COL19A1: variants seen among roughly 807,000 people sequenced by gnomAD.
COL19A1 encodes collagen type XIX alpha 1 chain.
Under a neutral mutation model 190.2 loss-of-function variants are expected in COL19A1, and 159 were observed. The observed-to-expected ratio is 0.84, with a 90% CI of 0.73 to 0.95. The LOEUF (loss-of-function observed/expected upper bound fraction) is 0.95, where lower values mean the gene tolerates loss of function less well. Among genes scored for constraint, COL19A1 ranks in the 40% least tolerant of loss-of-function variants. The pLI is 0.00. For missense variants in COL19A1, 1,418 were observed against 1,431.9 expected (o/e 0.99, Z 0.16); for synonymous variants, 509 against 458.9 (o/e 1.11, Z -1.39).
At chr6:69,894,850 G>A (rs1561971349) in intron 2 of COL19A1, among the ~76,000 whole-genome samples, 8 of 152,236 alleles carry the variant, frequency 5.3e-5, no homozygotes. Context: ...CACAAATCCT[G>A]TTTCACAATT....
chr6:70,127,568 G>A (rs890433401), intron 17 of COL19A1, among the ~76,000 whole-genome samples: 3 of 152,138 alleles, frequency 2.0e-5, no homozygotes, highest in Admixed American at 6.5e-5. Context: ...TCATGCTGCT[G>A]ATAAAGACAT....
chr6:69,946,979 G>GC (rs911596115), intron 9 of COL19A1, among the ~76,000 whole-genome samples: 5 of 151,812 alleles, frequency 3.3e-5, no homozygotes, highest in African/African-American at 1.2e-4. Flanking sequence ...ACCTAAGGCT[G>GC]CCTTTGTGCT....
At chr6:69,951,769 A>G (rs1292907814) in intron 9 of COL19A1, among the ~76,000 whole-genome samples, 2 of 151,850 alleles carry the variant, frequency 1.3e-5, no homozygotes. Flanking sequence ...GGTAAGATTT[A>G]TTGTCACTAT....
chr6:69,967,821 G>T (rs998337220), intron 11 of COL19A1, among the ~76,000 whole-genome samples: 2 of 151,990 alleles, frequency 1.3e-5, no homozygotes, highest in South Asian at 4.1e-4. Context: ...CCACAGACCC[G>T]TATTCTTAGT....
intron 11 of COL19A1, among the ~76,000 whole-genome samples, chr6:69,988,871 C>T (rs1202091451): frequency 6.6e-6 from 1 of 152,202 alleles, no homozygotes; most frequent in Non-Finnish European, 1.5e-5. Flanking sequence ...TTTGGTTCAG[C>T]ATGTTCAAAA....
rs764329543 is a variant in COL19A1 at position 70,184,742 on chromosome 6, T to A, written c.2811+4T>A. On this transcript the variant is annotated splice_donor_region_variant and intron_variant, in intron 45 of 50. Coordinates refer to ENST00000620364, the MANE Select transcript of COL19A1 (RefSeq NM_001858.6). ...AGATGGAATACCAGGTGCTCAGGTA[T>A]GGGAAATATGATTTAAAATAAAAGT... 2 of 1,602,236 alleles carry A rather than the reference T, an allele frequency of 1.2e-6. No homozygotes were observed. Among genetic ancestry groups the A allele is most frequent in the Admixed American group, 3.4e-5 (2 of 59,454 alleles).
At chr6:69,967,120 T>C (rs1030385717) in intron 11 of COL19A1, among the ~76,000 whole-genome samples, 4 of 152,252 alleles carry the variant, frequency 2.6e-5, no homozygotes, top group Non-Finnish European at 5.9e-5. Context: ...TATCATTTGA[T>C]TGTGAGAAAC....
At position 70,142,065 on chromosome 6, in the gene COL19A1, C is replaced by T; in HGVS notation, c.1561C>T (p.Pro521Ser). 1 of 1,611,804 alleles carries T rather than the reference C, an allele frequency of 6.2e-7. No homozygotes were observed. Among genetic ancestry groups the T allele is most frequent in the Non-Finnish European group, 8.5e-7 (1 of 1,178,662 alleles). The change falls in exon 22 of 51, where the codon CCA becomes TCA. Residue 521 changes from proline (P) to serine (S), a missense_variant. Physicochemically the swap from Pro to Ser is moderately conservative, Grantham distance 74. Coordinates refer to ENST00000620364, the MANE Select transcript of COL19A1 (RefSeq NM_001858.6). ...DPGPPGLIGSPGLKGQQGSAG... is the reference protein window; with the variant it reads ...DPGPPGLIGSSGLKGQQGSAG... ...CGGACCCCCTGGTTTAATAGGAAGC[C>T]CAGGACTAAAGGTATATAAGAAATA... is the stretch of plus-strand genomic sequence containing the variant.
At position 69,923,485 on chromosome 6, in the gene COL19A1, G is replaced by C. The variant is rs146868758; in HGVS notation, c.267-4424G>C. 2.0e-3 allele frequency among the ~76,000 whole-genome samples: 302 copies of C among 152,282 alleles called. 1 individual carries two copies. Among genetic ancestry groups the C allele is most frequent in the Non-Finnish European group, 2.4e-3 (162 of 68,020 alleles). ...TTCTTAGTTGGTCTTTATTTGACCTGATCAGAGCTTGTAAGAATAGCCCTT... is the reference window on the plus strand; with the variant it reads ...TTCTTAGTTGGTCTTTATTTGACCTCATCAGAGCTTGTAAGAATAGCCCTT... On this transcript the variant is annotated intron_variant, in intron 4 of 50. Coordinates refer to ENST00000620364, the MANE Select transcript of COL19A1 (RefSeq NM_001858.6).
At chr6:70,201,682 A>T (rs1166826547) in intron 49 of COL19A1, among the ~76,000 whole-genome samples, 1 of 152,246 alleles carries the variant, frequency 6.6e-6, no homozygotes, top group African/African-American at 2.4e-5. Flanking sequence ...AGTATTTGTT[A>T]AATTTGCCTA....
At chr6:70,181,645 C>G (rs62421669) in intron 44 of COL19A1, among the ~76,000 whole-genome samples, 1 of 135,732 alleles carries the variant, frequency 7.4e-6, no homozygotes, top group Non-Finnish European at 1.6e-5. Flanking sequence ...TATAGGAAAA[C>G]AGATAAAAAC....
At chr6:70,170,013 G>A (rs1399452196) in intron 40 of COL19A1, among the ~76,000 whole-genome samples, 1 of 152,120 alleles carries the variant, frequency 6.6e-6, no homozygotes, top group Non-Finnish European at 1.5e-5. Context: ...ACCTATTTGA[G>A]TAGAATTTGA....
At chr6:69,997,631 G>C (rs534880398) in intron 11 of COL19A1, among the ~76,000 whole-genome samples, 10 of 152,240 alleles carry the variant, frequency 6.6e-5, no homozygotes, top group African/African-American at 2.4e-4. Context: ...CAGTAGATTT[G>C]AGGTGGCAGA....
chr6:69,866,651 C>T lies in COL19A1; in HGVS notation c.-33+11C>T, dbSNP rs1449881290. 1 of 152,290 alleles carries T rather than the reference C, an allele frequency of 6.6e-6. No individual in the cohort carries two copies. The highest frequency in any genetic ancestry group is 1.9e-4 in the East Asian group (1 of 5,200). The allele number at this position is 152,290 out of a possible 1,614,324, so 9.4% of individuals were successfully genotyped here. On this transcript the variant is annotated intron_variant, in intron 1 of 50. Coordinates refer to ENST00000620364, the MANE Select transcript of COL19A1 (RefSeq NM_001858.6). ...AAATACGAATTCAAGGTAAGCTGCG[C>T]GGCTTTGCGACCGGCTCTGCACTTG...
At chr6:70,164,627 C>T (rs1788015894) in intron 36 of COL19A1, among the ~76,000 whole-genome samples, 1 of 152,092 alleles carries the variant, frequency 6.6e-6, no homozygotes, top group Non-Finnish European at 1.5e-5. Context: ...AATGGGAATT[C>T]CACACTGAGA....
At chr6:69,914,311 C>T (rs777994513) in intron 4 of COL19A1, among the ~76,000 whole-genome samples, 4 of 152,150 alleles carry the variant, frequency 2.6e-5, no homozygotes, top group South Asian at 4.2e-4. Flanking sequence ...TCAGACAAAC[C>T]CTCTAGGCCC....
chr6:70,086,309 A>G (rs1782590014), intron 15 of COL19A1, among the ~76,000 whole-genome samples: 1 of 152,126 alleles, frequency 6.6e-6, no homozygotes, highest in Non-Finnish European at 1.5e-5. Context: ...ATAAATCTTA[A>G]AAACAATAAT....
At chr6:70,049,366 A>T (rs1195809840) in intron 14 of COL19A1, among the ~76,000 whole-genome samples, 1 of 151,906 alleles carries the variant, frequency 6.6e-6, no homozygotes, top group African/African-American at 2.4e-5. Flanking sequence ...AATATAAGGT[A>T]TTTTTCTACA....
At chr6:70,103,086 C>T (rs1783736150) in intron 16 of COL19A1, among the ~76,000 whole-genome samples, 1 of 152,104 alleles carries the variant, frequency 6.6e-6, no homozygotes, top group Non-Finnish European at 1.5e-5. Flanking sequence ...GTTGCTGAGT[C>T]CCAGGCTGGT....
Sources: allele counts gnomAD v4.1 joint callset (sites outside exome capture counted in the v4.1 genomes callset), GRCh38; gene constraint gnomAD v4.1.1; transcripts MANE v1.5; gene names NCBI Gene and HGNC (gene_info 2026-07-23, HGNC 2026-07-21).